The following NPAS3 variants were observed in gnomAD, a reference collection of about 807,000 sequenced individuals.
The protein encoded by NPAS3 is neuronal PAS domain protein 3, also known as neuronal PAS domain-containing protein 3.
In NPAS3, 14 loss-of-function variants were observed where a neutral mutation model predicts 73.1. That is an observed-to-expected ratio of 0.19 (90% CI 0.13 to 0.30). The LOEUF (loss-of-function observed/expected upper bound fraction) is 0.30. Among genes scored for constraint, NPAS3 ranks in the 10% least tolerant of loss-of-function variants. The pLI is 1.00. For missense variants in NPAS3, 1,096 were observed against 1,250.0 expected (o/e 0.88, Z 1.86); for synonymous variants, 620 against 541.5 (o/e 1.14, Z -2.01).
intron 4 of NPAS3, among the ~76,000 whole-genome samples, chr14:33,402,669 G>A (rs1677121195): frequency 6.6e-6 from 1 of 152,092 alleles, no homozygotes; most frequent in South Asian, 2.1e-4. Flanking sequence ...ACCACCCTCA[G>A]GAGGGACAGC....
chr14:33,125,654 T>C (rs1293729658), intron 2 of NPAS3, among the ~76,000 whole-genome samples: 1 of 152,110 alleles, frequency 6.6e-6, no homozygotes, highest in Non-Finnish European at 1.5e-5. Context: ...CTGTGAAACA[T>C]GGCTCAGCTG....
At chr14:33,217,035 A>G (rs975033395) in intron 3 of NPAS3, among the ~76,000 whole-genome samples, 5 of 152,186 alleles carry the variant, frequency 3.3e-5, no homozygotes, top group Non-Finnish European at 7.3e-5. Context: ...ACAGTTCCGC[A>G]TGGCTGGGGA....
chr14:33,763,107 C>G (rs548251644), intron 7 of NPAS3, among the ~76,000 whole-genome samples: 33 of 152,156 alleles, frequency 2.2e-4, no homozygotes, highest in Non-Finnish European at 4.3e-4. Context: ...AGACCTCAGT[C>G]TTCGCTTCTT....
At chr14:33,547,440 AATCATT>A (rs1332351808) in intron 4 of NPAS3, among the ~76,000 whole-genome samples, 1 of 152,208 alleles carries the variant, frequency 6.6e-6, no homozygotes, top group South Asian at 2.1e-4. Flanking sequence ...ATTTGTCAGT[AATCATT>A]ATACACCCCC....
intron 3 of NPAS3, among the ~76,000 whole-genome samples, chr14:33,219,928 G>C (rs998359236): frequency 1.4e-4 from 21 of 152,270 alleles, no homozygotes; most frequent in South Asian, 8.3e-4. Flanking sequence ...TGTTGCTGTT[G>C]TGGCATTTTC....
At chr14:33,604,938 G>A (rs2057510343) in intron 5 of NPAS3, among the ~76,000 whole-genome samples, 3 of 152,046 alleles carry the variant, frequency 2.0e-5, no homozygotes, top group Admixed American at 2.0e-4. Flanking sequence ...AGAATTTGCA[G>A]CATATCACTA....
chr14:33,641,176 G>A (rs771331240), intron 5 of NPAS3, among the ~76,000 whole-genome samples: 5 of 152,006 alleles, frequency 3.3e-5, no homozygotes, highest in South Asian at 4.2e-4. Flanking sequence ...TTTTTCTTCC[G>A]TTTTGACTTG....
intron 2 of NPAS3, among the ~76,000 whole-genome samples, chr14:33,109,627 T>G (rs1198968110): frequency 1.3e-5 from 2 of 152,086 alleles, no homozygotes; most frequent in African/African-American, 4.8e-5. Context: ...TTTATATGTT[T>G]GAGCAATTTG....
chr14:33,071,523 T>G (rs1443833461), intron 2 of NPAS3, among the ~76,000 whole-genome samples: 2 of 152,204 alleles, frequency 1.3e-5, no homozygotes, highest in African/African-American at 2.4e-5. Context: ...TCAAAACAAC[T>G]AATCATTAAG....
At chr14:33,459,162 T>C (rs2050147872) in intron 4 of NPAS3, among the ~76,000 whole-genome samples, 1 of 152,120 alleles carries the variant, frequency 6.6e-6, no homozygotes, top group Non-Finnish European at 1.5e-5. Context: ...AGGTCACTCT[T>C]GTTGCCATTT....
intron 4 of NPAS3, among the ~76,000 whole-genome samples, chr14:33,459,698 T>G (rs1204671937): frequency 6.6e-6 from 1 of 152,236 alleles, no homozygotes; most frequent in Non-Finnish European, 1.5e-5. Flanking sequence ...AAACTCTACC[T>G]GCCTCTCTTA....
At chr14:33,712,571 C>T (rs943161) in intron 6 of NPAS3, among the ~76,000 whole-genome samples, 41,051 of 152,060 alleles carry the variant, frequency 0.27, 6,367 homozygotes, top group Admixed American at 0.49. Context: ...GCCTTAATCA[C>T]GTAATCACTG....
At chr14:33,103,965 C>T (rs778096457) in intron 2 of NPAS3, among the ~76,000 whole-genome samples, 1 of 152,066 alleles carries the variant, frequency 6.6e-6, no homozygotes, top group Non-Finnish European at 1.5e-5. Context: ...AATACAACTT[C>T]CAGAATCTTA....
At chr14:33,109,809 TC>T (rs2042832090) in intron 2 of NPAS3, among the ~76,000 whole-genome samples, 2 of 128,970 alleles carry the variant, frequency 1.6e-5, no homozygotes, top group African/African-American at 6.1e-5. Flanking sequence ...AATTTGCATG[TC>T]TTTTTTTTTT....
intron 2 of NPAS3, among the ~76,000 whole-genome samples, chr14:33,193,917 TAGA>T (rs1247560133): frequency 6.6e-6 from 1 of 152,284 alleles, no homozygotes; most frequent in South Asian, 2.1e-4. Flanking sequence ...TTTGCAGTAA[TAGA>T]AGAAGCCTTT....
At chr14:33,680,427 AC>A (rs1392737419) in intron 6 of NPAS3, among the ~76,000 whole-genome samples, 5 of 152,232 alleles carry the variant, frequency 3.3e-5, no homozygotes, top group Admixed American at 6.5e-5. Flanking sequence ...ATATATATGC[AC>A]TACGTACCCT....
intron 2 of NPAS3, among the ~76,000 whole-genome samples, chr14:33,202,026 C>T (rs936059199): frequency 1.3e-5 from 2 of 152,128 alleles, no homozygotes; most frequent in Non-Finnish European, 1.5e-5. Context: ...GAGCAACTTG[C>T]AAGTTCATGC....
intron 1 of NPAS3, among the ~76,000 whole-genome samples, chr14:33,016,233 A>G (rs1384676590): frequency 6.6e-6 from 1 of 152,184 alleles, no homozygotes; most frequent in Non-Finnish European, 1.5e-5. Context: ...GAATTTAGGC[A>G]GCAGATTTTT....
chr14:33,630,398 A>G (rs1363641908), intron 5 of NPAS3, among the ~76,000 whole-genome samples: 2 of 152,206 alleles, frequency 1.3e-5, no homozygotes, highest in African/African-American at 4.8e-5. Flanking sequence ...CTCCTAACTT[A>G]GTACAGTTTC....
Sources: gnomAD v4.1 joint callset for allele counts (sites outside exome capture counted in the v4.1 genomes callset) on GRCh38, gnomAD v4.1.1 for gene constraint, MANE v1.5 for transcripts, NCBI Gene and HGNC (gene_info 2026-07-23, HGNC 2026-07-21) for gene names.